Variants in MMP9 observed in about 807,000 individuals in gnomAD.
MMP9 encodes the protein matrix metalloproteinase-9.
A neutral mutation model predicts 76.4 loss-of-function variants in MMP9; 73 were observed. The observed-to-expected ratio is 0.96, with a 90% CI of 0.79 to 1.16. MMP9 has a LOEUF of 1.16. Among genes scored for constraint, MMP9 ranks in the 50% most tolerant of loss-of-function variants. The pLI, the probability that MMP9 is intolerant of heterozygous loss-of-function variation, is 0.00. For missense variants in MMP9, 943 were observed against 973.0 expected, an observed-to-expected ratio of 0.97 and a Z score of 0.41; for synonymous variants, 412 against 408.4, an observed-to-expected ratio of 1.01 and a Z score of -0.11.
At chr20:46,012,107 T>C (rs939984386) in intron 6 of MMP9, 30 bp from the exon 7 acceptor site, 5 of 1,611,076 alleles carry the variant, frequency 3.1e-6, no homozygotes, top group Middle Eastern at 1.6e-4. Context: ...CTCATCCATC[T>C]GGCTCATCCA....
At position 46,016,523 on chromosome 20, in the gene MMP9, T is replaced by C. The variant is rs2084323750; in HGVS notation, c.*155T>C. 3 of 692,310 alleles carry C rather than the reference T, an allele frequency of 4.3e-6. No individual in the cohort carries two copies. Among genetic ancestry groups the C allele is most frequent in the Admixed American group, 4.3e-5 (2 of 46,976 alleles). The allele number at this position is 692,310 out of a possible 1,614,324, so 42.9% of individuals were successfully genotyped here. A position where few individuals can be genotyped will look rare whatever the true frequency, so the allele number is the denominator to read the frequency against. ...CCTCTCTTCTCACCTTTGTTTTTTG[T>C]TGGAGTGTTTCTAATAAACTTGGAT... is the stretch of plus-strand genomic sequence containing the variant. On this transcript the variant is annotated 3_prime_UTR_variant, in exon 13 of 13. Transcript: ENST00000372330.
intron 8 of MMP9, 59 bp downstream of exon 8, chr20:46,012,641 C>T (rs1600576044): frequency 2.4e-6 from 2 of 827,950 alleles, no homozygotes; most frequent in South Asian, 1.4e-5. Flanking sequence ...GCCACAGTAC[C>T]AAAGAATTGG....
chr20:46,015,426 T>G (rs79825054), intron 12 of MMP9, among the ~76,000 whole-genome samples: 1 of 151,712 alleles, frequency 6.6e-6, no homozygotes, highest in South Asian at 2.1e-4. Flanking sequence ...TCCATAGCTT[T>G]CTATATTTTC....
rs1007890198 is a variant in MMP9 at position 46,014,589 on chromosome 20, A to G, written c.2005+115A>G. The stretch of plus-strand genomic sequence containing the variant: ...TGGAAATGGAAACAAATGCCCCAGC[A>G]CAGACAAGATCCCAGCAGAGGCAGA... On this transcript the variant is annotated intron_variant, in intron 12 of 12. Coordinates refer to ENST00000372330, the MANE Select transcript of MMP9 (RefSeq NM_004994.3). 4 of 1,112,326 alleles carry G rather than the reference A, an allele frequency of 3.6e-6. No individual in the cohort carries two copies. The African/African-American group carries it at 4.6e-5, about 13-fold the overall frequency. The allele number at this position is 1,112,326 out of a possible 1,614,324, so 68.9% of individuals were successfully genotyped here.
Position 46,014,492 on chromosome 20 carries a change from T to C in MMP9, c.2005+18T>C. 1 of 1,547,178 alleles carries C rather than the reference T, an allele frequency of 6.5e-7. No homozygotes were observed. The highest frequency in any genetic ancestry group is 8.7e-7 in the Non-Finnish European group (1 of 1,145,574). On this transcript the variant is annotated intron_variant, in intron 12 of 12. Coordinates refer to ENST00000372330, the MANE Select transcript of MMP9 (RefSeq NM_004994.3). ...GTACCGAGGTGAGGGCTGAGGAGGA[T>C]CCCTTCGTGAGACACCACACTAAGC...
At chr20:46,010,876 G>T (rs2084274178) in intron 3 of MMP9, 46 bp from the exon 4 acceptor site, 3 of 1,613,976 alleles carry the variant, frequency 1.9e-6, no homozygotes, top group Admixed American at 3.3e-5. Flanking sequence ...CACAATCTGC[G>T]CAGCAGTACT....
At position 46,013,404 on chromosome 20, in the gene MMP9, A is replaced by T; in HGVS notation, c.1480A>T (p.Thr494Ser). ...CACAGGTCCCCCCTCAGCTGGCCCC[A>T]CAGGTCCCCCCACTGCTGGCCCTTC... ...GPTGPPSAGP[T>S]GPPTAGPSTA... Residue 494 changes from threonine to serine, a missense_variant, in exon 9 of 13, where the codon ACA becomes TCA. Coordinates refer to ENST00000372330, the MANE Select transcript of MMP9 (RefSeq NM_004994.3). The surrounding 1 kb of genome is among the most constrained non-coding windows in gnomAD (Gnocchi z 4.5). 2 of 1,594,794 alleles carry T rather than the reference A, an allele frequency of 1.3e-6. No homozygotes were observed. Among genetic ancestry groups the T allele is most frequent in the South Asian group, 2.2e-5 (2 of 90,320 alleles).
At position 46,013,207 on chromosome 20, in the gene MMP9, C is replaced by A; in HGVS notation, c.1331-48C>A. The A allele has an allele frequency of 6.2e-7, 1 of 1,611,186 alleles. No individual in the cohort carries two copies. The highest frequency in any genetic ancestry group is 8.5e-7 in the Non-Finnish European group (1 of 1,177,530). On this transcript the variant is annotated intron_variant, in intron 8 of 12. Coordinates refer to ENST00000372330, the MANE Select transcript of MMP9 (RefSeq NM_004994.3). The surrounding 1 kb of genome is among the most constrained non-coding windows in gnomAD (Gnocchi z 4.5). The stretch of plus-strand genomic sequence containing the variant: ...TAGGGGAGCAGATGTTCTAGGGGTA[C>A]AGAGGTATGCAGGAATAGGAAGAGT...
rs199561934 is a variant in MMP9, at chr20:46,016,444, A to G, written c.*76A>G. On this transcript the variant is annotated 3_prime_UTR_variant, in exon 13 of 13. Coordinates refer to ENST00000372330, the MANE Select transcript of MMP9 (RefSeq NM_004994.3). ...CCTGGGGAAGGAGCCAGTTTGCCGG[A>G]TACAAACTGGTATTCTGTTCTGGAG... 4.3e-6 allele frequency: 5 copies of G among 1,166,316 alleles called. No individual in the cohort carries two copies. The highest frequency in any genetic ancestry group is 6.5e-6 in the Non-Finnish European group (5 of 772,340). 72.2% of individuals were successfully genotyped at this position (1,166,316 alleles called of 1,614,324 possible).
chr20:46,014,535 C>A, intron 12 of MMP9, 61 bp downstream of exon 12: 1 of 1,472,810 alleles, frequency 6.8e-7, no homozygotes, highest in Non-Finnish European at 9.2e-7. Flanking sequence ...AGTGAGTGGT[C>A]AAATTCTGAG....
At position 46,010,330 on chromosome 20, in the gene MMP9, A is replaced by AAACAAAC. The variant is rs1555856937; in HGVS notation, c.372-151_372-150insCAAACAA. Among the ~76,000 whole-genome samples, 14 of 101,956 alleles carry AAACAAAC rather than the reference A, an allele frequency of 1.4e-4. No individual in the cohort carries two copies. The South Asian group carries it at 2.8e-3, about 21-fold the overall frequency. The allele number at this position is 101,956 out of a possible 152,430, so 66.9% of individuals were successfully genotyped here. ...TGAGGGTCTAAGTAGACAAAAAAAA[A>AAACAAAC]AAAAAAAAAAACAGTCTGGAAGCAA... On this transcript the variant is annotated intron_variant, in intron 2 of 12. Coordinates refer to ENST00000372330, the MANE Select transcript of MMP9 (RefSeq NM_004994.3).
chr20:46,012,654 G>T, intron 8 of MMP9, 72 bp downstream of exon 8: 63 of 1,452,816 alleles, frequency 4.3e-5, no homozygotes, highest in Admixed American at 5.3e-5. Context: ...AGAATTGGGG[G>T]TTGGGGATCG....
Position 46,009,051 on chromosome 20 carries a change from G to A in MMP9, c.125G>A (p.Arg42Lys), listed in dbSNP as rs768767596. 2 of 1,613,676 alleles carry A rather than the reference G, an allele frequency of 1.2e-6. No homozygotes were observed. The highest frequency in any genetic ancestry group is 4.5e-5 in the East Asian group (2 of 44,880). The change falls in exon 1 of 13, where the codon AGG becomes AAG. Residue 42 changes from arginine to lysine, a missense_variant. Coordinates refer to ENST00000372330, the MANE Select transcript of MMP9 (RefSeq NM_004994.3). Reference sequence around the variant, plus strand: ...GACCTGAGAACCAATCTCACCGACAGGCAGCTGGCAGAGGTGGGCAAACAC... The same window carrying A: ...GACCTGAGAACCAATCTCACCGACAAGCAGCTGGCAGAGGTGGGCAAACAC... ...PGDLRTNLTD[R>K]QLAEEYLYRY...
In MMP9 at chr20:46,012,171, G is replaced by T. The variant is rs138668828; in HGVS notation, c.1032G>T (p.Gly344=). The change falls in exon 7 of 13, where the codon GGG becomes GGT. Residue 344 remains glycine, a synonymous_variant. Transcript: ENST00000372330. ...CGGTGATGGGGGGCAACTCGGCGGG[G>T]GAGCTGTGCGTCTTCCCCTTCACTT... ...DSTVMGGNSA[G]ELCVFPFTFL... 226 of 1,614,144 alleles carry T rather than the reference G, an allele frequency of 1.4e-4. 3 individuals are homozygous for T. Among genetic ancestry groups the T allele is most frequent in the Middle Eastern group, 9.9e-4 (6 of 6,062 alleles).
Position 46,010,071 on chromosome 20 carries a change from A to G in MMP9, c.344A>G (p.Lys115Arg), listed in dbSNP as rs202158739. ...TTCCAAACCTTTGAGGGCGACCTCAAGTGGCACCACCACAACATCACCTAT... is the reference window on the plus strand; with the variant it reads ...TTCCAAACCTTTGAGGGCGACCTCAGGTGGCACCACCACAACATCACCTAT... Reference protein sequence around the residue: ...GRFQTFEGDLKWHHHNITYWI... With the variant: ...GRFQTFEGDLRWHHHNITYWI... The change falls in exon 2 of 13, where the codon AAG (lysine) becomes AGG (arginine). Residue 115 changes from lysine to arginine, a missense_variant. Lys to Arg is a conservative substitution (Grantham distance 26). Transcript: ENST00000372330. 1.2e-4 allele frequency: 165 copies of G among 1,424,036 alleles called. No homozygotes were observed. The Middle Eastern group carries it at 4.6e-3, about 40-fold the overall frequency. 88.2% of individuals were successfully genotyped at this position (1,424,036 alleles called of 1,614,324 possible). A position where few individuals can be genotyped will look rare whatever the true frequency, so the allele number is the denominator to read the frequency against.
intron 8 of MMP9, among the ~76,000 whole-genome samples, 189 bp downstream of exon 8, chr20:46,012,771 A>T (rs1369021364): frequency 6.6e-6 from 1 of 151,670 alleles, no homozygotes; most frequent in Non-Finnish European, 1.5e-5. Flanking sequence ...TGATAAAGAG[A>T]CTCTAGAGAG....
intron 12 of MMP9, among the ~76,000 whole-genome samples, chr20:46,015,216 C>A (rs1467854565): frequency 6.6e-6 from 1 of 152,142 alleles, no homozygotes; most frequent in African/African-American, 2.4e-5. Flanking sequence ...CTGCTCCACC[C>A]ACACTGGCTG....
chr20:46,013,176 G>A lies in MMP9; in HGVS notation c.1331-79G>A, dbSNP rs896963102. On this transcript the variant is annotated intron_variant, in intron 8 of 12. Coordinates refer to ENST00000372330, the MANE Select transcript of MMP9 (RefSeq NM_004994.3). The surrounding 1 kb of genome is among the most constrained non-coding windows in gnomAD (Gnocchi z 4.5). Reference sequence around the variant, plus strand: ...TGTGTGCCAGAGGAGGCTTCACTGAGAAGCTTAGGGGAGCAGATGTTCTAG... The same window carrying A: ...TGTGTGCCAGAGGAGGCTTCACTGAAAAGCTTAGGGGAGCAGATGTTCTAG... 25 of 1,571,640 alleles carry A rather than the reference G, an allele frequency of 1.6e-5. No individual in the cohort carries two copies. Among genetic ancestry groups the A allele is most frequent in the Non-Finnish European group, 2.0e-5 (23 of 1,142,800 alleles).
In MMP9 at chr20:46,010,328, A is replaced by ACAAACAAAC. The variant is rs1555856948; in HGVS notation, c.372-155_372-154insCAAACAAAC. Among the ~76,000 whole-genome samples, 4,201 of 108,648 alleles carry ACAAACAAAC rather than the reference A, an allele frequency of 0.039. 427 individuals carry two copies. The highest frequency in any genetic ancestry group is 0.26 in the East Asian group (1,045 of 3,986). The allele number at this position is 108,648 out of a possible 152,430, so 71.3% of individuals were successfully genotyped here. On this transcript the variant is annotated intron_variant, in intron 2 of 12. Coordinates refer to ENST00000372330, the MANE Select transcript of MMP9 (RefSeq NM_004994.3). The stretch of plus-strand genomic sequence containing the variant: ...TGTGAGGGTCTAAGTAGACAAAAAA[A>ACAAACAAAC]AAAAAAAAAAAAACAGTCTGGAAGC...
Sources: gnomAD v4.1 joint callset for allele counts (sites outside exome capture counted in the v4.1 genomes callset) on GRCh38, gnomAD v4.1.1 for gene constraint, Gnocchi (gnomAD v3.1) non-coding constraint, MANE v1.5 for transcripts, NCBI Gene and HGNC (gene_info 2026-07-23, HGNC 2026-07-21) for gene names.